The following PKP4 variants were observed in gnomAD, a reference collection of about 807,000 sequenced individuals.
The protein encoded by PKP4 is plakophilin 4.
PKP4 carries 90 observed loss-of-function variants against 145.1 expected under a neutral mutation model. That is an observed-to-expected ratio of 0.62 (90% CI 0.52 to 0.74). The LOEUF is 0.74. Among genes scored for constraint, PKP4 ranks in the 30% least tolerant of loss-of-function variants. The pLI is 0.00. For missense variants in PKP4, 1,340 were observed against 1,482.7 expected (o/e 0.90, Z 1.58); for synonymous variants, 563 against 577.2 (o/e 0.98, Z 0.35).
intron 16 of PKP4, among the ~76,000 whole-genome samples, chr2:158,667,464 G>C (rs956129088): frequency 3.9e-5 from 6 of 152,226 alleles, no homozygotes; most frequent in African/African-American, 1.2e-4. Context: ...AAGTCCCACA[G>C]CTGGTGACAG....
In PKP4 at chr2:158,501,182, G is replaced by A. The variant is rs187551492; in HGVS notation, c.-5-31998G>A. On this transcript the variant is annotated intron_variant, in intron 1 of 21. Coordinates refer to ENST00000389759, the MANE Select transcript of PKP4 (RefSeq NM_003628.6). ...CTGTACCAGGCCTTAATACTCTCTG[G>A]GTTGTAGCCTCCAGTGGTCCATTTG... Among the ~76,000 whole-genome samples, 281 of 152,228 alleles carry A rather than the reference G, an allele frequency of 1.8e-3. 1 individual carries two copies. Among genetic ancestry groups the A allele is most frequent in the Non-Finnish European group, 3.4e-3 (231 of 68,020 alleles).
chr2:158,513,513 C>A (rs964840538), intron 1 of PKP4, among the ~76,000 whole-genome samples: 12 of 152,192 alleles, frequency 7.9e-5, no homozygotes, highest in Admixed American at 7.2e-4. Flanking sequence ...TCATTCTTTT[C>A]TTTTGCAGAT....
intron 1 of PKP4, among the ~76,000 whole-genome samples, chr2:158,505,660 T>C (rs1018055437): frequency 6.6e-6 from 1 of 151,518 alleles, no homozygotes. Context: ...ATAGGAGAAG[T>C]GAGGGTTTTG....
chr2:158,558,965 G>A (rs1193321421), intron 2 of PKP4, among the ~76,000 whole-genome samples: 1 of 152,152 alleles, frequency 6.6e-6, no homozygotes, highest in Admixed American at 6.5e-5. Flanking sequence ...GAAAAAGCTG[G>A]CCACAGCTAC....
At chr2:158,458,259 C>T (rs1457441607) in intron 1 of PKP4, 1 of 152,936 alleles carries the variant, frequency 6.5e-6, no homozygotes, top group Non-Finnish European at 1.5e-5. Context: ...GCCTTCCCTC[C>T]CCAGCTCTCG....
intron 1 of PKP4, among the ~76,000 whole-genome samples, chr2:158,500,172 A>G (rs1696336346): frequency 6.6e-6 from 1 of 152,062 alleles, no homozygotes; most frequent in Non-Finnish European, 1.5e-5. Context: ...TAGTCCCATC[A>G]TTTCTCTTTC....
At chr2:158,663,948 G>T (rs1043789135) in intron 15 of PKP4, among the ~76,000 whole-genome samples, 1 of 152,188 alleles carries the variant, frequency 6.6e-6, no homozygotes, top group Non-Finnish European at 1.5e-5. Flanking sequence ...CAGAGAAGAC[G>T]TGTGGGCCAG....
intron 2 of PKP4, among the ~76,000 whole-genome samples, chr2:158,576,428 C>T (rs1559346089): frequency 1.3e-5 from 2 of 152,114 alleles, no homozygotes; most frequent in Non-Finnish European, 2.9e-5. Flanking sequence ...GCTTGAGATG[C>T]TATTTGTAGC....
At chr2:158,508,875 C>T (rs2041248385) in intron 1 of PKP4, among the ~76,000 whole-genome samples, 1 of 152,150 alleles carries the variant, frequency 6.6e-6, no homozygotes, top group Non-Finnish European at 1.5e-5. Flanking sequence ...AGTCATCTAA[C>T]ATGTGTTCTC....
intron 6 of PKP4, 25 bp downstream of exon 6, chr2:158,621,446 T>G: frequency 9.4e-6 from 15 of 1,591,092 alleles, no homozygotes; most frequent in Non-Finnish European, 1.3e-5. Context: ...TCAAGATCTC[T>G]GCAAAGAAAT....
chr2:158,590,412 T>C (rs1269404138), intron 3 of PKP4, among the ~76,000 whole-genome samples: 1 of 149,940 alleles, frequency 6.7e-6, no homozygotes, highest in Non-Finnish European at 1.5e-5. Flanking sequence ...TAATAGCCAG[T>C]TATTTTAGGA....
Position 158,663,318 on chromosome 2 carries a change from G to A in PKP4, c.2450G>A (p.Gly817Glu), listed in dbSNP as rs781314389. 5.0e-6 allele frequency: 8 copies of A among 1,614,116 alleles called. No individual in the cohort carries two copies. The South Asian group carries it at 7.7e-5, about 16-fold the overall frequency. Residue 817 changes from glycine to glutamate, a missense_variant, in exon 15 of 22, where the codon GGG (glycine) becomes GAG (glutamate). Coordinates refer to ENST00000389759, the MANE Select transcript of PKP4 (RefSeq NM_003628.6). ...CCAGGACTGTCGAAGTCCCCCAAAG[G>A]GGTTGAGATGCTGTGGCACCCATCG... Reference protein sequence around the residue: ...PIPGLSKSPKGVEMLWHPSVV... With the variant: ...PIPGLSKSPKEVEMLWHPSVV...
chr2:158,645,071 T>C (rs2054696204), intron 11 of PKP4, among the ~76,000 whole-genome samples: 2 of 152,184 alleles, frequency 1.3e-5, no homozygotes, highest in South Asian at 2.1e-4. Context: ...ATATTAATGT[T>C]CAAAATACAA....
At chr2:158,598,700 C>T (rs58530434) in intron 3 of PKP4, among the ~76,000 whole-genome samples, 22,656 of 152,062 alleles carry the variant, frequency 0.15, 1,920 homozygotes, top group Middle Eastern at 0.24. Context: ...ACCTGGGAGG[C>T]GGAGCTTGCA....
At chr2:158,552,176 C>T (rs1442448348) in intron 2 of PKP4, among the ~76,000 whole-genome samples, 1 of 152,226 alleles carries the variant, frequency 6.6e-6, no homozygotes, top group African/African-American at 2.4e-5. Flanking sequence ...GATGTGGCTG[C>T]AAGCCAGGGA....
At chr2:158,601,844 GA>G (rs1388509239) in intron 3 of PKP4, among the ~76,000 whole-genome samples, 1 of 152,128 alleles carries the variant, frequency 6.6e-6, no homozygotes, top group Non-Finnish European at 1.5e-5. Flanking sequence ...ATGACTTGGG[GA>G]AAGTATCAAG....
intron 3 of PKP4, chr2:158,588,130 A>G (rs1007600453): frequency 6.6e-6 from 1 of 152,182 alleles, no homozygotes; most frequent in Non-Finnish European, 1.5e-5. Flanking sequence ...ATTTTTGAAC[A>G]TATATCCTGG....
chr2:158,537,429 A>G (rs975283066), intron 2 of PKP4, among the ~76,000 whole-genome samples: 2 of 152,216 alleles, frequency 1.3e-5, no homozygotes, highest in African/African-American at 4.8e-5. Flanking sequence ...GTATCAGGTG[A>G]TACGGGTAAC....
chr2:158,574,663 T>C lies in PKP4; in HGVS notation c.133-2608T>C, dbSNP rs74911965. On this transcript the variant is annotated intron_variant, in intron 2 of 21. Coordinates refer to ENST00000389759, the MANE Select transcript of PKP4 (RefSeq NM_003628.6). Reference sequence around the variant, plus strand: ...TTTCTTTGTAAACATTTACAGGTGTTAAGTCACTTTTACAAATTCAGTGCT... The same window carrying C: ...TTTCTTTGTAAACATTTACAGGTGTCAAGTCACTTTTACAAATTCAGTGCT... Among the ~76,000 whole-genome samples the C allele has an allele frequency of 4.4e-3, 669 of 152,318 alleles. 1 individual carries two copies. The highest frequency in any genetic ancestry group is 7.6e-3 in the Non-Finnish European group (517 of 68,024).
Sources: allele counts gnomAD v4.1 joint callset (sites outside exome capture counted in the v4.1 genomes callset), GRCh38; gene constraint gnomAD v4.1.1; transcripts MANE v1.5; gene names NCBI Gene and HGNC (gene_info 2026-07-23, HGNC 2026-07-21).